The following DOCK3 variants were observed in gnomAD, a reference collection of about 807,000 sequenced individuals.
DOCK3 encodes dedicator of cytokinesis protein 3.
A neutral mutation model predicts 265.6 loss-of-function variants in DOCK3; 60 were observed. The observed-to-expected ratio is 0.23, with a 90% CI of 0.18 to 0.28. DOCK3 has a LOEUF of 0.28. Ranked by LOEUF, DOCK3 falls within the 10% of genes least tolerant of loss-of-function variation. The pLI, the probability that DOCK3 is intolerant of heterozygous loss-of-function variation, is 1.00. For missense variants in DOCK3, 1,981 were observed against 2,594.3 expected, an observed-to-expected ratio of 0.76 and a Z score of 5.14; for synonymous variants, 881 against 938.0, an observed-to-expected ratio of 0.94 and a Z score of 1.11.
intron 26 of DOCK3, chr3:51,278,615 C>T: frequency 3.5e-6 from 2 of 568,964 alleles, no homozygotes; most frequent in Non-Finnish European, 4.4e-6. Context: ...AAGTAAAAAA[C>T]ATATATATAT....
intron 5 of DOCK3, among the ~76,000 whole-genome samples, chr3:51,048,560 T>C (rs1350332121): frequency 1.3e-5 from 2 of 152,194 alleles, no homozygotes; most frequent in Non-Finnish European, 2.9e-5. Flanking sequence ...TTGTATAATA[T>C]TTTAAATAAT....
intron 5 of DOCK3, among the ~76,000 whole-genome samples, chr3:50,945,130 T>C (rs1239174797): frequency 6.6e-6 from 1 of 152,204 alleles, no homozygotes; most frequent in Non-Finnish European, 1.5e-5. Context: ...GGTAAAGGTA[T>C]GTGTGTTTGC....
At chr3:51,240,694 T>C (rs1263198084) in intron 21 of DOCK3, among the ~76,000 whole-genome samples, 2 of 152,226 alleles carry the variant, frequency 1.3e-5, no homozygotes, top group African/African-American at 4.8e-5. Context: ...CCCTTCTTTG[T>C]CTTTTGCAGT....
intron 3 of DOCK3, among the ~76,000 whole-genome samples, chr3:50,872,980 G>GCCAAGTCCTGGAATCAGGGAC (rs1390601051): frequency 6.6e-6 from 1 of 152,304 alleles, no homozygotes; most frequent in East Asian, 1.9e-4. Context: ...CAGTCCAAGA[G>GCCAAGTCCTGGAATCAGGGAC]CCAAGTCCTG....
intron 1 of DOCK3, among the ~76,000 whole-genome samples, chr3:50,778,003 A>ATTC (rs2041704668): frequency 6.6e-6 from 1 of 152,158 alleles, no homozygotes; most frequent in Non-Finnish European, 1.5e-5. Flanking sequence ...CTCAGGGGGA[A>ATTC]TGCTTTCAAC....
chr3:50,767,068 T>C (rs2040934095), intron 1 of DOCK3, among the ~76,000 whole-genome samples: 1 of 152,194 alleles, frequency 6.6e-6, no homozygotes, highest in Non-Finnish European at 1.5e-5. Context: ...TTCTGTAGGT[T>C]GCCTGTTCGC....
At position 51,227,344 on chromosome 3, in the gene DOCK3, A is replaced by G; in HGVS notation, c.1439A>G (p.Tyr480Cys). 6.2e-7 allele frequency: 1 copy of G among 1,613,960 alleles called. No homozygotes were observed. Among genetic ancestry groups the G allele is most frequent in the Non-Finnish European group, 8.5e-7 (1 of 1,179,876 alleles). Residue 480 changes from tyrosine (Y) to cysteine (C), a missense_variant, in exon 16 of 53, where the codon TAC (tyrosine) becomes TGC (cysteine). Physicochemically the swap from Tyr to Cys is radical, Grantham distance 194 (BLOSUM62 -2). Transcript: ENST00000266037. The part of the protein sequence containing the change: ...NRSSYHSFVL[Y>C]HSNSPRWGEI... ...AGTTCCTACCACTCCTTTGTCCTCTACCACAGTAATAGTCCTCGCTGGGGA... is the reference window on the plus strand; with the variant it reads ...AGTTCCTACCACTCCTTTGTCCTCTGCCACAGTAATAGTCCTCGCTGGGGA...
chr3:50,993,929 C>T (rs1403213558), intron 5 of DOCK3, among the ~76,000 whole-genome samples: 2 of 152,096 alleles, frequency 1.3e-5, no homozygotes, highest in Admixed American at 6.5e-5. Context: ...AACCACAGGG[C>T]CTTGGAGGTA....
chr3:51,027,644 A>G (rs1046036078), intron 5 of DOCK3, among the ~76,000 whole-genome samples: 2 of 152,140 alleles, frequency 1.3e-5, no homozygotes, highest in African/African-American at 4.8e-5. Flanking sequence ...ATATATATTT[A>G]GGATAGTTAA....
intron 5 of DOCK3, among the ~76,000 whole-genome samples, chr3:50,985,481 C>A (rs1457008300): frequency 1.3e-5 from 2 of 151,988 alleles, no homozygotes; most frequent in East Asian, 3.8e-4. Flanking sequence ...ATTAAAAACC[C>A]CTCTGGCAAT....
chr3:50,873,345 C>T (rs1161675198), intron 3 of DOCK3, among the ~76,000 whole-genome samples: 2 of 152,110 alleles, frequency 1.3e-5, no homozygotes, highest in African/African-American at 4.8e-5. Context: ...GAGCTAGGGC[C>T]TGGAAAGGGG....
At chr3:51,068,829 A>G (rs928353945) in intron 6 of DOCK3, among the ~76,000 whole-genome samples, 2 of 152,192 alleles carry the variant, frequency 1.3e-5, no homozygotes, top group South Asian at 4.1e-4. Context: ...TGCAAGTGTG[A>G]ATACTATTAC....
At chr3:50,830,021 A>G (rs1053205042) in intron 2 of DOCK3, among the ~76,000 whole-genome samples, 1 of 152,192 alleles carries the variant, frequency 6.6e-6, no homozygotes, top group African/African-American at 2.4e-5. Context: ...AATAATGGAA[A>G]GAGGATTTTG....
Position 50,822,011 on chromosome 3 carries a change from A to G in DOCK3, c.122-19664A>G, listed in dbSNP as rs577058416. ...GGGCTCCTTTTTTTAATTCCATATG[A>G]ATTTTAGAATTATTTTTTAAATTCT... On this transcript the variant is annotated intron_variant, in intron 2 of 52. Coordinates refer to ENST00000266037, the MANE Select transcript of DOCK3 (RefSeq NM_004947.5). Among the ~76,000 whole-genome samples the G allele has an allele frequency of 3.9e-5, 6 of 152,198 alleles. No homozygotes were observed. The South Asian group carries it at 1.2e-3, about 32-fold the overall frequency.
chr3:50,877,461 G>A (rs746238685), intron 3 of DOCK3: 4 of 520,068 alleles, frequency 7.7e-6, no homozygotes, highest in South Asian at 5.6e-5. Flanking sequence ...ATAAGGCTGA[G>A]CCAAATCAGA....
intron 1 of DOCK3, among the ~76,000 whole-genome samples, chr3:50,692,426 A>G (rs898623125): frequency 3.3e-5 from 5 of 152,158 alleles, no homozygotes; most frequent in Non-Finnish European, 1.5e-5. Context: ...GATCCTTCAC[A>G]TGCACAGTTC....
At chr3:50,786,924 A>G in intron 2 of DOCK3, 1 of 738,106 alleles carries the variant, frequency 1.4e-6, no homozygotes. Context: ...CTGCATTTGA[A>G]TGATTTTCCA....
chr3:51,343,861 C>T (rs2085388061), intron 38 of DOCK3, among the ~76,000 whole-genome samples: 1 of 152,242 alleles, frequency 6.6e-6, no homozygotes, highest in Non-Finnish European at 1.5e-5. Context: ...GCCATTCTCT[C>T]CTGTAGTGAG....
chr3:51,106,874 A>G (rs1359880347), intron 9 of DOCK3, among the ~76,000 whole-genome samples: 1 of 152,178 alleles, frequency 6.6e-6, no homozygotes, highest in Non-Finnish European at 1.5e-5. Context: ...TGTGCTCCCC[A>G]CTGCATTGCC....
Sources: allele counts gnomAD v4.1 joint callset (sites outside exome capture counted in the v4.1 genomes callset), GRCh38; gene constraint gnomAD v4.1.1; transcripts MANE v1.5; gene names NCBI Gene and HGNC (gene_info 2026-07-23, HGNC 2026-07-21).